The following NFKB1 variants were observed in gnomAD, a reference collection of about 807,000 sequenced individuals.
NFKB1 encodes the protein nuclear factor NF-kappa-B p105 subunit.
Under a neutral mutation model 105.1 loss-of-function variants are expected in NFKB1, and 9 were observed. That is an observed-to-expected ratio of 0.09 (90% CI 0.05 to 0.15). NFKB1 has a LOEUF of 0.15. Among genes scored for constraint, NFKB1 ranks in the 10% least tolerant of loss-of-function variants. The probability of loss-of-function intolerance (pLI) is 1.00; values close to 1 mark genes in which losing one functional copy is unlikely to be tolerated. For missense variants in NFKB1, 830 were observed against 1,203.7 expected (o/e 0.69, Z 4.59); for synonymous variants, 440 against 442.2 (o/e 1.00, Z 0.06).
chr4:102,505,435 A>G (rs1452334534), intron 1 of NFKB1, among the ~76,000 whole-genome samples: 1 of 152,210 alleles, frequency 6.6e-6, no homozygotes, highest in Non-Finnish European at 1.5e-5. Context: ...TACAAATTTC[A>G]TCTGCTTTAA....
intron 1 of NFKB1, 130 bp from the exon 2 acceptor site, chr4:102,525,382 T>C (rs1740844199): frequency 2.7e-6 from 2 of 742,932 alleles, no homozygotes; most frequent in African/African-American, 1.8e-5. Flanking sequence ...CCTCCTATGG[T>C]CTTCAAAAAA....
chr4:102,505,195 A>T (rs1739348151), intron 1 of NFKB1, among the ~76,000 whole-genome samples: 1 of 152,340 alleles, frequency 6.6e-6, no homozygotes, highest in African/African-American at 2.4e-5. Context: ...TGCAAATTGC[A>T]TTGCTACACC....
intron 5 of NFKB1, among the ~76,000 whole-genome samples, chr4:102,546,293 A>G (rs934855732): frequency 1.3e-5 from 2 of 152,104 alleles, no homozygotes; most frequent in South Asian, 4.1e-4. Flanking sequence ...CTGAAGGAAA[A>G]AAAAAAATGT....
At chr4:102,583,731 G>A (rs1042825130) in intron 10 of NFKB1, among the ~76,000 whole-genome samples, 1 of 151,536 alleles carries the variant, frequency 6.6e-6, no homozygotes, top group Non-Finnish European at 1.5e-5. Context: ...TGATAATGCT[G>A]AGCCCCCACC....
intron 5 of NFKB1, among the ~76,000 whole-genome samples, chr4:102,564,604 T>G (rs1397311313): frequency 6.6e-6 from 1 of 152,218 alleles, no homozygotes; most frequent in Non-Finnish European, 1.5e-5. Context: ...CAGTTCCTCA[T>G]TCTTGCCACC....
intron 5 of NFKB1, among the ~76,000 whole-genome samples, chr4:102,552,227 T>C (rs1469923789): frequency 6.6e-6 from 1 of 152,168 alleles, no homozygotes; most frequent in Non-Finnish European, 1.5e-5. Context: ...TTCATTCAAA[T>C]GAGGAGTAGT....
intron 5 of NFKB1, among the ~76,000 whole-genome samples, chr4:102,541,272 C>G (rs1741980876): frequency 6.6e-6 from 1 of 152,182 alleles, no homozygotes; most frequent in South Asian, 2.1e-4. Context: ...CAACCTTAAC[C>G]TTACCCATTT....
intron 9 of NFKB1, among the ~76,000 whole-genome samples, chr4:102,581,341 C>T (rs1309192780): frequency 2.0e-5 from 3 of 151,922 alleles, no homozygotes; most frequent in African/African-American, 7.2e-5. Flanking sequence ...TCAAAGTAAG[C>T]AGATACCTAA....
chr4:102,586,476 G>T (rs180795700), intron 11 of NFKB1, among the ~76,000 whole-genome samples: 103 of 152,274 alleles, frequency 6.8e-4, no homozygotes, highest in Non-Finnish European at 1.2e-3. Flanking sequence ...AGAGGACAGG[G>T]TGAGAAATTT....
chr4:102,517,057 T>C (rs996257873), intron 1 of NFKB1, among the ~76,000 whole-genome samples: 14 of 152,136 alleles, frequency 9.2e-5, no homozygotes, highest in Admixed American at 2.6e-4. Flanking sequence ...TCTATTAGGT[T>C]TTGCAGGGTC....
intron 2 of NFKB1, among the ~76,000 whole-genome samples, chr4:102,526,138 A>G (rs1420495183): frequency 2.0e-5 from 3 of 152,206 alleles, no homozygotes; most frequent in East Asian, 1.9e-4. Flanking sequence ...CCCTTATCCA[A>G]TATGACTTCA....
At chr4:102,548,164 G>GCC (rs1722284124) in intron 5 of NFKB1, among the ~76,000 whole-genome samples, 1 of 152,010 alleles carries the variant, frequency 6.6e-6, no homozygotes, top group Admixed American at 6.6e-5. Flanking sequence ...GAACTCACGG[G>GCC]CCATTGCCTT....
intron 7 of NFKB1, chr4:102,578,538 A>G (rs1410852424): frequency 3.0e-6 from 1 of 337,792 alleles, no homozygotes; most frequent in African/African-American, 2.1e-5. Context: ...GGTGCCTAGT[A>G]GGGTTATTCA....
At chr4:102,519,586 G>A (rs940078598) in intron 1 of NFKB1, among the ~76,000 whole-genome samples, 1 of 152,110 alleles carries the variant, frequency 6.6e-6, no homozygotes, top group Non-Finnish European at 1.5e-5. Flanking sequence ...CTCATTTTGT[G>A]TATTGTCAGA....
intron 3 of NFKB1, among the ~76,000 whole-genome samples, chr4:102,533,642 G>A (rs770682612): frequency 5.3e-5 from 8 of 152,262 alleles, no homozygotes; most frequent in Middle Eastern, 3.4e-3. Flanking sequence ...CGCTAAACTC[G>A]TAAAACTATT....
chr4:102,556,586 G>A (rs1467533092), intron 5 of NFKB1, among the ~76,000 whole-genome samples: 1 of 152,142 alleles, frequency 6.6e-6, no homozygotes, highest in Admixed American at 6.6e-5. Context: ...AGTGGGTTTG[G>A]AAACATGGAA....
chr4:102,537,900 G>A lies in NFKB1; in HGVS notation c.202G>A (p.Gly68Ser), dbSNP rs2149127915. The stretch of plus-strand genomic sequence containing the variant: ...TTATGTATGTGAAGGCCCATCCCAT[G>A]GTGGACTACCTGGTGCCTCTAGTGA... ...FRYVCEGPSH[G>S]GLPGASSEKN... is the part of the protein sequence containing the mutation. The change falls in exon 5 of 24, where the codon GGT (glycine) becomes AGT (serine). Residue 68 changes from glycine to serine, a missense_variant. This residue lies in a region of NFKB1 where 15 missense variants were observed against 45.9 expected (regional missense o/e 0.33). Coordinates refer to ENST00000226574, the MANE Select transcript of NFKB1 (RefSeq NM_003998.4). 1 of 1,612,736 alleles carries A rather than the reference G, an allele frequency of 6.2e-7. No homozygotes were observed. The highest frequency in any genetic ancestry group is 8.5e-7 in the Non-Finnish European group (1 of 1,178,982).
chr4:102,502,169 G>T (rs2272676), intron 1 of NFKB1: 40,698 of 152,492 alleles, frequency 0.27, 6,756 homozygotes, highest in Admixed American at 0.41. Flanking sequence ...AGGAGAGAGG[G>T]AAGGTGGTTG....
intron 5 of NFKB1, among the ~76,000 whole-genome samples, chr4:102,541,529 G>A (rs1268367600): frequency 2.6e-5 from 4 of 152,164 alleles, no homozygotes; most frequent in African/African-American, 9.7e-5. Context: ...AAAAGCTAAT[G>A]TGGGAGTTCT....
Sources: allele counts gnomAD v4.1 joint callset (sites outside exome capture counted in the v4.1 genomes callset), GRCh38; gene constraint gnomAD v4.1.1; regional missense constraint gnomAD v4.1.1; transcripts MANE v1.5; gene names NCBI Gene and HGNC (gene_info 2026-07-23, HGNC 2026-07-21).